Variants in IGSF9B observed in about 807,000 individuals in gnomAD.
IGSF9B encodes protein turtle homolog B.
In IGSF9B, 48 loss-of-function variants were observed where a neutral mutation model predicts 143.7. That is an observed-to-expected ratio of 0.33 (90% CI 0.26 to 0.42). IGSF9B has a LOEUF of 0.42. Among genes scored for constraint, IGSF9B ranks in the 20% least tolerant of loss-of-function variants. The probability of loss-of-function intolerance (pLI) is 1.00; values close to 1 mark genes in which losing one functional copy is unlikely to be tolerated. For synonymous variants in IGSF9B, 903 were observed against 833.1 expected (o/e 1.08, Z -1.44); for missense variants, 1,706 against 1,980.0 (o/e 0.86, Z 2.63).
chr11:133,920,694 T>G lies in IGSF9B; in HGVS notation c.3031A>C (p.Thr1011Pro). 4 of 1,612,650 alleles carry G rather than the reference T, an allele frequency of 2.5e-6. No individual in the cohort carries two copies. The highest frequency in any genetic ancestry group is 2.5e-6 in the Non-Finnish European group (3 of 1,179,474). Residue 1011 changes from threonine (T) to proline (P), a missense_variant, in exon 18 of 20, where the codon ACC (threonine) becomes CCC (proline). This residue lies in a region of IGSF9B where 880 missense variants were observed against 762.9 expected (regional missense o/e 1.15). Coordinates refer to ENST00000533871, the MANE Select transcript of IGSF9B (RefSeq NM_001277285.4). ...LPTEGPFGHP[T>P]IPEENGENAS... is the part of the protein sequence containing the mutation. ...TTCTCTCCATTCTCCTCGGGGATGG[T>G]GGGGTGGCCAAAGGGCCCCTCGGTG...
intron 18 of IGSF9B, among the ~76,000 whole-genome samples, chr11:133,915,869 G>A (rs1234827379): frequency 6.6e-6 from 1 of 152,200 alleles, no homozygotes; most frequent in Non-Finnish European, 1.5e-5. Flanking sequence ...TGGAGGCAGG[G>A]GAAAGCCACT....
chr11:133,935,762 G>A lies in IGSF9B; in HGVS notation c.822C>T (p.Asn274=), dbSNP rs201954664. The A allele has an allele frequency of 1.3e-4, 215 of 1,611,018 alleles. No homozygotes were observed. The Middle Eastern group carries it at 2.1e-3, about 16-fold the overall frequency. ...YWQDENVYFQ[N]DLKLRVRILI... ...GGATGCGCACCCTCAGCTTCAGGTC[G>A]CTGCAAAGCGGCATGGGGACAGGGG... is the stretch of plus-strand genomic sequence containing the variant. The change falls in exon 7 of 20, where the codon AAC becomes AAT. Residue 274 remains asparagine, a splice_region_variant and synonymous_variant. Transcript: ENST00000533871.
intron 1 of IGSF9B, among the ~76,000 whole-genome samples, chr11:133,950,296 C>T (rs902033863): frequency 1.3e-5 from 2 of 152,200 alleles, no homozygotes; most frequent in African/African-American, 4.8e-5. Flanking sequence ...AGGAGCAGGG[C>T]CGGGCGAGCA....
chr11:133,936,030 A>T, intron 6 of IGSF9B, 23 bp downstream of exon 6: 1 of 1,610,738 alleles, frequency 6.2e-7, no homozygotes, highest in Non-Finnish European at 8.5e-7. Flanking sequence ...AACCTCATTG[A>T]AAAGTCAGAG....
rs1939121580 is a variant in IGSF9B, at chr11:133,901,635, G to C, written c.*7434C>G. The C allele has an allele frequency of 6.6e-6, 1 of 152,036 alleles. No individual in the cohort carries two copies. Among genetic ancestry groups the C allele is most frequent in the South Asian group, 2.1e-4 (1 of 4,836 alleles). The allele number at this position is 152,036 out of a possible 1,614,324, so 9.4% of individuals were successfully genotyped here. On this transcript the variant is annotated 3_prime_UTR_variant, in exon 20 of 20. Coordinates refer to ENST00000533871, the MANE Select transcript of IGSF9B (RefSeq NM_001277285.4). ...ATTCTGTAGATTTATATAATTTTATGTACAGTCTCCATAAAAAATACATTA... is the reference window on the plus strand; with the variant it reads ...ATTCTGTAGATTTATATAATTTTATCTACAGTCTCCATAAAAAATACATTA...
intron 3 of IGSF9B, among the ~76,000 whole-genome samples, chr11:133,943,092 TGA>T (rs1939981183): frequency 6.6e-6 from 1 of 152,004 alleles, no homozygotes; most frequent in African/African-American, 2.4e-5. Context: ...AGATAAAAAC[TGA>T]GAGAAGCTTC....
chr11:133,934,254 G>A (rs1370405745), intron 7 of IGSF9B, among the ~76,000 whole-genome samples: 11 of 152,288 alleles, frequency 7.2e-5, no homozygotes, highest in Admixed American at 4.6e-4. Flanking sequence ...TGGCCAGCTC[G>A]TCTTCCAAAG....
chr11:133,922,514 T>TG, intron 16 of IGSF9B, 55 bp downstream of exon 16: 9 of 1,558,618 alleles, frequency 5.8e-6, no homozygotes, highest in South Asian at 1.2e-5. Flanking sequence ...CCTCTCTTGA[T>TG]GGGGGGCATT....
Position 133,902,445 on chromosome 11 carries a change from C to CA in IGSF9B, c.*6623_*6624insT, listed in dbSNP as rs376257608. Among the ~76,000 whole-genome samples the CA allele has an allele frequency of 2.4e-4, 13 of 54,256 alleles. No individual in the cohort carries two copies. Among genetic ancestry groups the CA allele is most frequent in the Non-Finnish European group, 4.6e-4 (8 of 17,242 alleles). 35.6% of individuals were successfully genotyped at this position (54,256 alleles called of 152,430 possible). A position where few individuals can be genotyped will look rare whatever the true frequency, so the allele number is the denominator to read the frequency against. Reference sequence around the variant, plus strand: ...ACACACACCACACCACACACACCACCCAGACACACCACACACAGATACACA... The same window carrying CA: ...ACACACACCACACCACACACACCACCACAGACACACCACACACAGATACACA... On this transcript the variant is annotated 3_prime_UTR_variant, in exon 20 of 20. Transcript: ENST00000533871.
In IGSF9B at chr11:133,902,013, A is replaced by C. The variant is rs1939136802; in HGVS notation, c.*7056T>G. On this transcript the variant is annotated 3_prime_UTR_variant, in exon 20 of 20. Coordinates refer to ENST00000533871, the MANE Select transcript of IGSF9B (RefSeq NM_001277285.4). Reference sequence around the variant, plus strand: ...CACATCACACACACACACACACCAGACATACACACACCATACCACACACCA... The same window carrying C: ...CACATCACACACACACACACACCAGCCATACACACACCATACCACACACCA... 8.1e-6 allele frequency among the ~76,000 whole-genome samples: 1 copy of C among 124,020 alleles called. No homozygotes were observed. Among genetic ancestry groups the C allele is most frequent in the South Asian group, 2.2e-4 (1 of 4,546 alleles). The allele number at this position is 124,020 out of a possible 152,430, so 81.4% of individuals were successfully genotyped here. A position where few individuals can be genotyped will look rare whatever the true frequency, so the allele number is the denominator to read the frequency against.
chr11:133,935,992 G>C, intron 6 of IGSF9B, 61 bp downstream of exon 6: 3 of 1,580,550 alleles, frequency 1.9e-6, no homozygotes, highest in Non-Finnish European at 2.6e-6. Context: ...TTCTGCTCAG[G>C]GGCCCTGCCC....
chr11:133,940,206 G>A (rs1416531784), intron 3 of IGSF9B, among the ~76,000 whole-genome samples: 4 of 121,716 alleles, frequency 3.3e-5, no homozygotes, highest in Non-Finnish European at 4.9e-5. Flanking sequence ...CACACACCTC[G>A]CACATCCTCG....
chr11:133,956,099 G>A (rs1287330641), intron 1 of IGSF9B, among the ~76,000 whole-genome samples: 2 of 152,100 alleles, frequency 1.3e-5, no homozygotes, highest in Non-Finnish European at 2.9e-5. Context: ...TCCTCTCACC[G>A]GGCGCCCCTG....
At position 133,956,864 on chromosome 11, in the gene IGSF9B, C is replaced by G. The variant is rs750588697; in HGVS notation, c.-110G>C. On this transcript the variant is annotated 5_prime_UTR_variant, in exon 1 of 20. Coordinates refer to ENST00000533871, the MANE Select transcript of IGSF9B (RefSeq NM_001277285.4). ...GCGCCCGCCTCGCGCCGCCTACGCC[C>G]CGCGCCGGTGCTCCTGCAGCCCGGG... The G allele has an allele frequency of 2.9e-4, 161 of 555,808 alleles. No individual in the cohort carries two copies. Among genetic ancestry groups the G allele is most frequent in the Non-Finnish European group, 4.2e-4 (152 of 360,052 alleles). The allele number at this position is 555,808 out of a possible 1,614,324, so 34.4% of individuals were successfully genotyped here.
chr11:133,918,748 T>C (rs1008323636), intron 18 of IGSF9B, among the ~76,000 whole-genome samples: 1 of 149,684 alleles, frequency 6.7e-6, no homozygotes, highest in African/African-American at 2.5e-5. Context: ...CCTCTGGAAC[T>C]CTCTGCTCCC....
At position 133,931,829 on chromosome 11, in the gene IGSF9B, G is replaced by A. The variant is rs780901754; in HGVS notation, c.1111-34C>T. On this transcript the variant is annotated intron_variant, in intron 8 of 19. Transcript: ENST00000533871. The surrounding 1 kb of genome is among the most constrained non-coding windows in gnomAD (Gnocchi z 7.7). ...CACAGACGATAGGGCAGGGAACGCT[G>A]GTCAGAGACTCCGCGCTCCATCCCA... 6.2e-7 allele frequency: 1 copy of A among 1,607,436 alleles called. No individual in the cohort carries two copies. The highest frequency in any genetic ancestry group is 1.1e-5 in the South Asian group (1 of 90,084).
chr11:133,922,560 G>GAC lies in IGSF9B; in HGVS notation c.2281+7_2281+8dup, dbSNP rs756393111. The GAC allele has an allele frequency of 3.1e-6, 5 of 1,606,700 alleles. No homozygotes were observed. In the African/African-American group the frequency reaches 6.7e-5, roughly 21 times the overall value. On this transcript the variant is annotated intron_variant, in intron 16 of 19. Coordinates refer to ENST00000533871, the MANE Select transcript of IGSF9B (RefSeq NM_001277285.4). ...CCAGGGAGAGCAAGGGAAGGGGACA[G>GAC]ACACCCACCTTTTTTGCGCTTGAGC... is the stretch of plus-strand genomic sequence containing the variant.
In IGSF9B at chr11:133,924,825, C is replaced by A; in HGVS notation, c.2114G>T (p.Ser705Ile). 6.2e-7 allele frequency: 1 copy of A among 1,613,702 alleles called. No individual in the cohort carries two copies. Among genetic ancestry groups the A allele is most frequent in the African/African-American group, 1.3e-5 (1 of 75,034 alleles). The stretch of plus-strand genomic sequence containing the variant: ...GCACCCTCAACCCAAAATACCTGTG[C>A]TGGAGACGCCGGCGATGTTGCTGGG... ...SEPSNIAGVS[S>I]TDIFPQPDLT... The change falls in exon 15 of 20, where the codon AGC becomes ATC. Residue 705 changes from serine to isoleucine, a missense_variant. Around this residue, in one of 7 missense-constraint regions of IGSF9B, gnomAD observed 267 missense variants for 321.1 expected, o/e 0.83. Transcript: ENST00000533871.
At chr11:133,918,744 G>A (rs1253821346) in intron 18 of IGSF9B, among the ~76,000 whole-genome samples, 1 of 151,214 alleles carries the variant, frequency 6.6e-6, no homozygotes, top group East Asian at 2.0e-4. Flanking sequence ...GCCTCCTCTG[G>A]AACTCTCTGC....
Sources: allele counts gnomAD v4.1 joint callset (sites outside exome capture counted in the v4.1 genomes callset), GRCh38; gene constraint gnomAD v4.1.1; regional missense constraint gnomAD v4.1.1; non-coding constraint Gnocchi (gnomAD v3.1); transcripts MANE v1.5; gene names NCBI Gene and HGNC (gene_info 2026-07-23, HGNC 2026-07-21).